The following CCDC102B variants were observed in gnomAD, a reference collection of about 807,000 sequenced individuals.
CCDC102B encodes the protein coiled-coil domain containing 102B, also known as coiled-coil domain-containing protein 102B.
In CCDC102B, 75 loss-of-function variants were observed where a neutral mutation model predicts 57.4. The ratio of observed to expected loss-of-function variants is 1.31; its 90% CI spans 1.08 to 1.58. CCDC102B has a LOEUF of 1.58. Ranked by LOEUF, CCDC102B falls within the 40% of genes most tolerant of loss-of-function variation. The pLI is 0.00. For missense variants in CCDC102B, 636 were observed against 582.6 expected (o/e 1.09, Z -0.94); for synonymous variants, 206 against 201.9 (o/e 1.02, Z -0.17).
chr18:68,877,657 A>G (rs2039501636), intron 5 of CCDC102B, among the ~76,000 whole-genome samples: 1 of 152,214 alleles, frequency 6.6e-6, no homozygotes. Flanking sequence ...CAGTGGAGAG[A>G]AATTTTCTGT....
intron 6 of CCDC102B, among the ~76,000 whole-genome samples, chr18:68,948,253 T>C (rs2049594763): frequency 6.6e-6 from 1 of 152,138 alleles, no homozygotes; most frequent in Non-Finnish European, 1.5e-5. Flanking sequence ...ATATTGTCGA[T>C]GTACAGGGTA....
intron 1 of CCDC102B, among the ~76,000 whole-genome samples, chr18:68,834,935 GA>G (rs964763932): frequency 6.6e-6 from 1 of 151,518 alleles, no homozygotes; most frequent in Non-Finnish European, 1.5e-5. Flanking sequence ...AAAAGCAGAT[GA>G]AAAAAAGTGA....
At position 68,720,693 on chromosome 18, in the gene CCDC102B, G is replaced by A. The variant is rs576457689; in HGVS notation, c.-67+4099G>A. 7.2e-5 allele frequency among the ~76,000 whole-genome samples: 11 copies of A among 152,090 alleles called. No homozygotes were observed. In the South Asian group the frequency reaches 2.3e-3, roughly 32 times the overall value. ...ATTCCTTTCCTGCATAGATTTGTAA[G>A]CATTGCTACATGAAGCCCGGTGAGT... On this transcript the variant is annotated intron_variant, in intron 2 of 3. Coordinates refer to the CCDC102B transcript ENST00000578970.
At chr18:68,768,454 C>G (rs1349226888) in intron 2 of CCDC102B, among the ~76,000 whole-genome samples, 1 of 152,102 alleles carries the variant, frequency 6.6e-6, no homozygotes, top group Non-Finnish European at 1.5e-5. Context: ...TTGTCTTCTT[C>G]CAGGGGTCTG....
chr18:68,876,313 G>A (rs1453919160), intron 5 of CCDC102B, among the ~76,000 whole-genome samples: 1 of 152,134 alleles, frequency 6.6e-6, no homozygotes, highest in Non-Finnish European at 1.5e-5. Context: ...TCAGTGAGGG[G>A]TACAGTATTC....
intron 6 of CCDC102B, among the ~76,000 whole-genome samples, chr18:69,005,523 T>C (rs1231562333): frequency 1.3e-5 from 2 of 152,084 alleles, no homozygotes; most frequent in African/African-American, 2.4e-5. Flanking sequence ...TTCTATTAGA[T>C]ACATATAAAC....
intron 7 of CCDC102B, among the ~76,000 whole-genome samples, chr18:69,046,430 T>A (rs1445516562): frequency 6.6e-6 from 1 of 152,188 alleles, no homozygotes; most frequent in African/African-American, 2.4e-5. Context: ...CTCGGCCCAC[T>A]TTTTAATGGT....
intron 2 of CCDC102B, 116 bp downstream of exon 2, chr18:68,837,485 A>G: frequency 1.1e-6 from 1 of 918,366 alleles, no homozygotes; most frequent in Non-Finnish European, 1.7e-6. Context: ...GGCTACCATA[A>G]CAAAGTACCA....
chr18:68,827,055 G>A (rs962043948), intron 1 of CCDC102B, among the ~76,000 whole-genome samples: 206 of 152,078 alleles, frequency 1.4e-3, no homozygotes, highest in African/African-American at 4.8e-3. Context: ...AAAAAATCAA[G>A]TGATAATTAT....
At chr18:68,965,742 T>C (rs2050151918) in intron 6 of CCDC102B, among the ~76,000 whole-genome samples, 1 of 152,122 alleles carries the variant, frequency 6.6e-6, no homozygotes, top group South Asian at 2.1e-4. Flanking sequence ...AGTTGAAATT[T>C]TCTGGGTTCT....
At chr18:68,850,817 T>G (rs2038088471) in intron 4 of CCDC102B, among the ~76,000 whole-genome samples, 1 of 152,062 alleles carries the variant, frequency 6.6e-6, no homozygotes, top group East Asian at 1.9e-4. Context: ...TTTTCCTTGT[T>G]GAAAATATCA....
At position 68,764,244 on chromosome 18, in the gene CCDC102B, A is replaced by AT. The variant is rs560951881; in HGVS notation, c.-67+47651dup. Among the ~76,000 whole-genome samples the AT allele has an allele frequency of 2.2e-4, 34 of 152,212 alleles. 1 individual carries two copies. In the South Asian group the frequency reaches 5.6e-3, roughly 25 times the overall value. ...ATGGATTTTATTCCAGCTGCTCCAT[A>AT]TAACACTACTATGATTACTAATAAT... On this transcript the variant is annotated intron_variant, in intron 2 of 3. Coordinates refer to the CCDC102B transcript ENST00000578970.
At chr18:68,810,513 A>T (rs1485324737) in intron 1 of CCDC102B, among the ~76,000 whole-genome samples, 1 of 152,212 alleles carries the variant, frequency 6.6e-6, no homozygotes. Context: ...AGGAAATAAT[A>T]TCTCTATTAT....
rs1430144869 is a variant in CCDC102B at position 69,043,781 on chromosome 18, A to AC, written c.1435-10249_1435-10248insC. 2.6e-5 allele frequency among the ~76,000 whole-genome samples: 4 copies of AC among 152,108 alleles called. No individual in the cohort carries two copies. In the East Asian group the frequency reaches 7.7e-4, roughly 29 times the overall value. ...CTCCTATGTCTACTTCTTTCTATAC[A>AC]GACACAGTAACAATCTGATCTCTCT... On this transcript the variant is annotated intron_variant, in intron 7 of 7. Transcript: ENST00000360242.
intron 5 of CCDC102B, among the ~76,000 whole-genome samples, chr18:68,886,672 G>C (rs546780646): frequency 6.6e-6 from 1 of 151,962 alleles, no homozygotes; most frequent in African/African-American, 2.4e-5. Flanking sequence ...ATTAAATCTT[G>C]TCACTGACTA....
chr18:69,019,273 T>C (rs1259160223), intron 7 of CCDC102B, among the ~76,000 whole-genome samples: 4 of 152,084 alleles, frequency 2.6e-5, no homozygotes, highest in African/African-American at 2.4e-5. Context: ...ATAGGTATTG[T>C]ATTGAATCTG....
chr18:68,733,508 T>TATATATATATATA (rs1568222920), intron 2 of CCDC102B, among the ~76,000 whole-genome samples: 950 of 90,380 alleles, frequency 0.011, 30 homozygotes, highest in East Asian at 0.042. Context: ...ATATATATAT[T>TATATATATATATA]TTTTTAACTT....
At chr18:68,944,252 T>C (rs533096077) in intron 6 of CCDC102B, among the ~76,000 whole-genome samples, 1 of 151,830 alleles carries the variant, frequency 6.6e-6, no homozygotes, top group South Asian at 2.1e-4. Context: ...AAAACAAGGC[T>C]GGGTAATTAA....
chr18:68,934,030 T>A (rs1449504148), intron 6 of CCDC102B, among the ~76,000 whole-genome samples: 1 of 151,850 alleles, frequency 6.6e-6, no homozygotes, highest in African/African-American at 2.4e-5. Context: ...TCCTTTCACC[T>A]ATGAAGAATT....
Sources: allele counts gnomAD v4.1 joint callset (sites outside exome capture counted in the v4.1 genomes callset), GRCh38; gene constraint gnomAD v4.1.1; transcripts MANE v1.5; gene names NCBI Gene and HGNC (gene_info 2026-07-23, HGNC 2026-07-21).